The following ATP11C variants were observed in gnomAD, a reference collection of about 807,000 sequenced individuals.
ATP11C encodes ATPase phospholipid transporting 11C (ATP11C blood group).
A neutral mutation model predicts 97.4 loss-of-function variants in ATP11C; 36 were observed. That is an observed-to-expected ratio of 0.37 (90% CI 0.28 to 0.49). ATP11C has a LOEUF of 0.49. Ranked by LOEUF, ATP11C falls within the 20% of genes least tolerant of loss-of-function variation. The probability of loss-of-function intolerance (pLI) is 0.98; values close to 1 mark genes in which losing one functional copy is unlikely to be tolerated. For synonymous variants in ATP11C, 275 were observed against 290.9 expected (o/e 0.95, Z 0.56); for missense variants, 730 against 824.6 (o/e 0.89, Z 1.40).
chrX:139,774,298 C>T (rs2082307736), intron 19 of ATP11C, among the ~76,000 whole-genome samples: 1 of 111,753 alleles, frequency 8.9e-6, no homozygotes, highest in Non-Finnish European at 1.9e-5. Flanking sequence ...CAGAAAATGG[C>T]TCCAGAACCT....
intron 13 of ATP11C, among the ~76,000 whole-genome samples, chrX:139,789,106 G>T (rs952153782): frequency 2.7e-5 from 3 of 110,004 alleles, no homozygotes; most frequent in African/African-American, 1.0e-4. Context: ...GGGAGGCTGA[G>T]GCAGGAGAAT....
intron 23 of ATP11C, among the ~76,000 whole-genome samples, chrX:139,750,706 C>G (rs1301456211): frequency 9.0e-6 from 1 of 111,700 alleles, no homozygotes; most frequent in Non-Finnish European, 1.9e-5. Context: ...ATTTGATCAA[C>G]TACAAGTGTG....
chrX:139,803,279 G>A (rs1246007110), intron 6 of ATP11C, among the ~76,000 whole-genome samples: 2 of 111,955 alleles, frequency 1.8e-5, no homozygotes, highest in Non-Finnish European at 3.8e-5. Context: ...TTATAACTTT[G>A]TTTTTGAAAA....
chrX:139,743,894 T>C (rs1266596046), intron 25 of ATP11C, among the ~76,000 whole-genome samples: 2 of 111,870 alleles, frequency 1.8e-5, no homozygotes, highest in Non-Finnish European at 3.8e-5. Context: ...CTCACTGTTG[T>C]GATAAAGGCC....
chrX:139,916,223 T>C (rs890036158), intron 1 of ATP11C, among the ~76,000 whole-genome samples: 1 of 45,394 alleles, frequency 2.2e-5, no homozygotes, highest in African/African-American at 4.7e-5. Context: ...AGCAAGACTC[T>C]GTCTTAAAAA....
chrX:139,936,024 A>C (rs1293318420), upstream of ATP11C, among the ~76,000 whole-genome samples: 1 of 110,874 alleles, frequency 9.0e-6, no homozygotes, highest in South Asian at 3.8e-4. Flanking sequence ...TTCTGGGGGC[A>C]GGATGGCTCA....
chrX:139,731,857 T>C (rs2081349265), intron 28 of ATP11C, 102 bp from the exon 29 acceptor site: 2 of 403,231 alleles, frequency 5.0e-6, no homozygotes, highest in African/African-American at 2.5e-5. Flanking sequence ...TCATTTCCTA[T>C]AGACTACTCC....
chrX:139,877,169 T>C (rs955300395), intron 1 of ATP11C, among the ~76,000 whole-genome samples: 1 of 112,128 alleles, frequency 8.9e-6, no homozygotes, highest in Non-Finnish European at 1.9e-5. Flanking sequence ...TCTGAGTTTC[T>C]GTAAGCCCAG....
At chrX:139,809,272 G>A (rs1364945073) in intron 5 of ATP11C, among the ~76,000 whole-genome samples, 1 of 111,939 alleles carries the variant, frequency 8.9e-6, no homozygotes, top group Non-Finnish European at 1.9e-5. Context: ...TAACTCAAAT[G>A]TCCATCAACA....
chrX:139,865,011 T>G (rs888329031), intron 1 of ATP11C, among the ~76,000 whole-genome samples: 1 of 112,050 alleles, frequency 8.9e-6, no homozygotes, highest in African/African-American at 3.2e-5. Flanking sequence ...TTAAAGGAGC[T>G]TCTAGCCTTA....
chrX:139,836,679 C>T (rs1238802939), intron 1 of ATP11C, among the ~76,000 whole-genome samples: 4 of 111,733 alleles, frequency 3.6e-5, no homozygotes, highest in African/African-American at 9.8e-5. Context: ...CTTCAAGGTG[C>T]TAATTTTGGT....
At chrX:139,885,156 CCT>C (rs1224055570) in intron 1 of ATP11C, among the ~76,000 whole-genome samples, 6 of 110,798 alleles carry the variant, frequency 5.4e-5, no homozygotes, top group African/African-American at 2.0e-4. Context: ...TCCCTCCCTT[CCT>C]CTGTCTCTCT....
intron 1 of ATP11C, among the ~76,000 whole-genome samples, chrX:139,864,819 G>A (rs1406087992): frequency 1.8e-5 from 2 of 112,134 alleles, no homozygotes; most frequent in Admixed American, 9.5e-5. Context: ...ACTGAAAACT[G>A]AAGACTTGTC....
chrX:139,927,399 C>T (rs922227966), intron 1 of ATP11C, among the ~76,000 whole-genome samples: 1 of 111,241 alleles, frequency 9.0e-6, no homozygotes, highest in Non-Finnish European at 1.9e-5. Context: ...GTCAAGAGCT[C>T]GAGACTAGCC....
intron 1 of ATP11C, among the ~76,000 whole-genome samples, chrX:139,894,004 A>T (rs902168647): frequency 1.8e-5 from 2 of 111,630 alleles, no homozygotes; most frequent in African/African-American, 6.5e-5. Flanking sequence ...ATACGACAGA[A>T]TGGAAATCCA....
intron 2 of ATP11C, among the ~76,000 whole-genome samples, chrX:139,824,361 C>T (rs915152009): frequency 9.2e-6 from 1 of 108,722 alleles, no homozygotes; most frequent in Non-Finnish European, 1.9e-5. Context: ...GCTGTAGAGG[C>T]CAAATTTTTC....
At chrX:139,850,683 G>C (rs1216009203) in intron 1 of ATP11C, among the ~76,000 whole-genome samples, 1 of 111,250 alleles carries the variant, frequency 9.0e-6, no homozygotes, top group African/African-American at 3.3e-5. Flanking sequence ...GGGAGGCCGA[G>C]GCGGGTGGAT....
At chrX:139,793,441 AG>A (rs75251664) in intron 12 of ATP11C, among the ~76,000 whole-genome samples, 5,544 of 111,217 alleles carry the variant, frequency 0.05, 238 homozygotes, top group East Asian at 0.29. Context: ...AAAAGAAAAA[AG>A]ATTTTCTTTT....
chrX:139,884,749 AT>A (rs2084613705), intron 1 of ATP11C, among the ~76,000 whole-genome samples: 1 of 112,418 alleles, frequency 8.9e-6, no homozygotes, highest in Non-Finnish European at 1.9e-5. Flanking sequence ...ACTTTAGGCA[AT>A]TTTGTCAAAA....
Sources: gnomAD v4.1 joint callset for allele counts (sites outside exome capture counted in the v4.1 genomes callset) on GRCh38, gnomAD v4.1.1 for gene constraint, MANE v1.5 for transcripts, NCBI Gene and HGNC (gene_info 2026-07-23, HGNC 2026-07-21) for gene names.